Variants in CDH12 observed in about 807,000 individuals in gnomAD.
CDH12 encodes the protein cadherin-12.
A neutral mutation model predicts 74.1 loss-of-function variants in CDH12; 41 were observed. The ratio of observed to expected loss-of-function variants is 0.55; its 90% confidence interval spans 0.43 to 0.72. CDH12 has a LOEUF of 0.72. CDH12 is among the 30% of genes least tolerant of loss of function. CDH12 has a pLI of 0.00. For synonymous variants in CDH12, 399 were observed against 355.0 expected, an observed-to-expected ratio of 1.12 and a Z score of -1.39; for missense variants, 945 against 977.2, an observed-to-expected ratio of 0.97 and a Z score of 0.44.
At chr5:22,133,037 C>A (rs1040266187) in intron 4 of CDH12, among the ~76,000 whole-genome samples, 2 of 152,046 alleles carry the variant, frequency 1.3e-5, no homozygotes, top group African/African-American at 4.8e-5. Flanking sequence ...ATGATTTTAT[C>A]TGTTTGAATA....
At chr5:22,538,199 C>G (rs897608436) in intron 1 of CDH12, among the ~76,000 whole-genome samples, 1 of 152,118 alleles carries the variant, frequency 6.6e-6, no homozygotes. Flanking sequence ...CTACCATCTC[C>G]GTCACAGTCT....
intron 5 of CDH12, among the ~76,000 whole-genome samples, chr5:21,989,157 G>A (rs954487221): frequency 6.6e-6 from 1 of 152,154 alleles, no homozygotes; most frequent in African/African-American, 2.4e-5. Context: ...CAAAAGTGTA[G>A]TCACAAGATT....
chr5:22,031,264 G>A (rs1034950261), intron 5 of CDH12, among the ~76,000 whole-genome samples: 1 of 151,980 alleles, frequency 6.6e-6, no homozygotes, highest in African/African-American at 2.4e-5. Flanking sequence ...AACCCGGGAG[G>A]CAGAGGTTGC....
At chr5:21,844,577 G>A (rs1750055942) in intron 7 of CDH12, among the ~76,000 whole-genome samples, 1 of 152,146 alleles carries the variant, frequency 6.6e-6, no homozygotes, top group South Asian at 2.1e-4. Flanking sequence ...CAGAAACAGG[G>A]TAGAGCAGGA....
At chr5:22,461,081 T>C (rs1745496601) in intron 2 of CDH12, among the ~76,000 whole-genome samples, 1 of 129,886 alleles carries the variant, frequency 7.7e-6, no homozygotes, top group Non-Finnish European at 1.6e-5. Flanking sequence ...TCACCCAGGC[T>C]GGAGTGAGGT....
rs147572813 is a variant in CDH12 at position 22,018,054 on chromosome 5, C to T, written c.232-42669G>A. 1.5e-4 allele frequency among the ~76,000 whole-genome samples: 23 copies of T among 152,058 alleles called. No individual in the cohort carries two copies. In the East Asian group the frequency reaches 4.3e-3, roughly 28 times the overall value. ...GATTACAGGCATGAGCCATCGTGTCCGGCTGCCTTCCTTTTAATATTTAGT... is the reference window on the plus strand; with the variant it reads ...GATTACAGGCATGAGCCATCGTGTCTGGCTGCCTTCCTTTTAATATTTAGT... On this transcript the variant is annotated intron_variant, in intron 5 of 14. Transcript: ENST00000382254.
intron 1 of CDH12, among the ~76,000 whole-genome samples, chr5:22,692,809 C>T (rs1201785427): frequency 1.3e-5 from 2 of 149,742 alleles, no homozygotes; most frequent in Non-Finnish European, 3.0e-5. Flanking sequence ...CAGAGTTAAG[C>T]TTACCTTTTT....
chr5:22,640,534 C>A (rs139448146), intron 1 of CDH12, among the ~76,000 whole-genome samples: 1 of 152,168 alleles, frequency 6.6e-6, no homozygotes, highest in Admixed American at 6.5e-5. Flanking sequence ...ATCATTGGCT[C>A]ATTCCCATTC....
chr5:21,995,843 A>G (rs1312100503), intron 5 of CDH12, among the ~76,000 whole-genome samples: 1 of 152,016 alleles, frequency 6.6e-6, no homozygotes, highest in Non-Finnish European at 1.5e-5. Flanking sequence ...CTACTGCTGT[A>G]TTTTTAGTTT....
rs190803243 is a variant in CDH12 at position 22,234,302 on chromosome 5, C to T, written c.-332-21659G>A. Among the ~76,000 whole-genome samples, 6 of 152,166 alleles carry T rather than the reference C, an allele frequency of 3.9e-5. No homozygotes were observed. In the East Asian group the frequency reaches 7.7e-4, roughly 20 times the overall value. ...CTGAATTGAGCTCCCAGAATTCCCA[C>T]GTGTTGTGGGAAGGACCTGGAAAGG... On this transcript the variant is annotated intron_variant, in intron 3 of 14. Transcript: ENST00000382254.
Position 21,842,319 on chromosome 5 carries a change from C to G in CDH12, c.656G>C (p.Arg219Thr). ...FSIDPKTGVI[R>T]TALPNMDREV... is the part of the protein sequence containing the mutation. Reference sequence around the variant, plus strand: ...TCTGTCCATGTTTGGCAAAGCTGTTCTAATAACACCTTAAGGGATAAAAGC... The same window carrying G: ...TCTGTCCATGTTTGGCAAAGCTGTTGTAATAACACCTTAAGGGATAAAAGC... Residue 219 changes from arginine to threonine, a missense_variant, in exon 8 of 15, where the codon AGA becomes ACA. Coordinates refer to ENST00000382254, the MANE Select transcript of CDH12 (RefSeq NM_004061.5). 6.2e-7 allele frequency: 1 copy of G among 1,604,854 alleles called. No homozygotes were observed. The highest frequency in any genetic ancestry group is 8.5e-7 in the Non-Finnish European group (1 of 1,174,456).
intron 5 of CDH12, among the ~76,000 whole-genome samples, chr5:21,976,562 G>A (rs1344058953): frequency 6.7e-6 from 1 of 150,296 alleles, no homozygotes; most frequent in Non-Finnish European, 1.5e-5. Context: ...ACATAACATA[G>A]TCTTATAAAT....
At chr5:22,696,664 A>G (rs1742380236) in intron 1 of CDH12, among the ~76,000 whole-genome samples, 1 of 152,158 alleles carries the variant, frequency 6.6e-6, no homozygotes, top group Non-Finnish European at 1.5e-5. Context: ...GTTAATAAGA[A>G]AATAAGCTTC....
At chr5:22,661,323 T>G (rs1194597897) in intron 1 of CDH12, among the ~76,000 whole-genome samples, 1 of 152,168 alleles carries the variant, frequency 6.6e-6, no homozygotes, top group East Asian at 1.9e-4. Flanking sequence ...AGAACCTCAT[T>G]ATCAGTGCCT....
At chr5:22,635,914 A>AAAAAT (rs894200533) in intron 1 of CDH12, among the ~76,000 whole-genome samples, 3 of 152,232 alleles carry the variant, frequency 2.0e-5, no homozygotes, top group East Asian at 1.9e-4. Context: ...CTCCATCTCA[A>AAAAAT]AAAATAAAAT....
intron 3 of CDH12, among the ~76,000 whole-genome samples, chr5:22,270,462 G>A (rs1736343183): frequency 6.6e-6 from 1 of 151,806 alleles, no homozygotes; most frequent in Non-Finnish European, 1.5e-5. Context: ...AGGCATGGCG[G>A]CACATGCCTG....
intron 2 of CDH12, among the ~76,000 whole-genome samples, chr5:22,443,203 T>A (rs1323867729): frequency 4.6e-5 from 7 of 152,136 alleles, no homozygotes; most frequent in Non-Finnish European, 7.4e-5. Context: ...AGTACGTTTT[T>A]GTATGTGTGA....
intron 5 of CDH12, among the ~76,000 whole-genome samples, chr5:22,006,315 A>T (rs1736956784): frequency 6.6e-6 from 1 of 151,974 alleles, no homozygotes; most frequent in African/African-American, 2.4e-5. Flanking sequence ...CACTGTGCCC[A>T]GCCAAGCCCA....
chr5:22,732,497 C>G (rs1168694730), intron 1 of CDH12, among the ~76,000 whole-genome samples: 1 of 150,526 alleles, frequency 6.6e-6, no homozygotes, highest in Non-Finnish European at 1.5e-5. Flanking sequence ...CACACACACA[C>G]ACACATAAAA....
Sources: allele counts gnomAD v4.1 joint callset (sites outside exome capture counted in the v4.1 genomes callset), GRCh38; gene constraint gnomAD v4.1.1; transcripts MANE v1.5; gene names NCBI Gene and HGNC (gene_info 2026-07-23, HGNC 2026-07-21).